LRBA: variants seen among roughly 807,000 people sequenced by gnomAD.
The protein encoded by LRBA is lipopolysaccharide-responsive and beige-like anchor protein.
Under a neutral mutation model 330.0 loss-of-function variants are expected in LRBA, and 176 were observed. The observed-to-expected ratio is 0.53, with a 90% CI of 0.47 to 0.60. LRBA has a LOEUF of 0.60. Among genes scored for constraint, LRBA ranks in the 20% least tolerant of loss-of-function variants. The probability of loss-of-function intolerance (pLI) is 0.00; values close to 1 mark genes in which losing one functional copy is unlikely to be tolerated. For missense variants in LRBA, 3,259 were observed against 3,444.8 expected (o/e 0.95, Z 1.35); for synonymous variants, 1,230 against 1,193.0 (o/e 1.03, Z -0.64).
At chr4:150,329,586 T>C (rs552581120) in intron 48 of LRBA, among the ~76,000 whole-genome samples, 1 of 152,098 alleles carries the variant, frequency 6.6e-6, no homozygotes, top group South Asian at 2.1e-4. Context: ...TTCACTCAAC[T>C]TAAGCTTGCT....
At chr4:150,553,768 T>C (rs10012087) in intron 40 of LRBA, among the ~76,000 whole-genome samples, 68,608 of 151,952 alleles carry the variant, frequency 0.45, 16,056 homozygotes, top group Admixed American at 0.52. Flanking sequence ...TCTCCAAATA[T>C]GTTGAGTTTG....
chr4:150,753,380 G>A (rs556300750), intron 35 of LRBA, among the ~76,000 whole-genome samples: 13 of 152,236 alleles, frequency 8.5e-5, no homozygotes, highest in African/African-American at 2.9e-4. Context: ...AGTGAATGAC[G>A]CTATTTTCAT....
intron 37 of LRBA, among the ~76,000 whole-genome samples, chr4:150,601,519 T>G (rs369002401): frequency 5.3e-5 from 8 of 152,112 alleles, no homozygotes; most frequent in Admixed American, 5.2e-4. Context: ...ATATTTATTT[T>G]TATACCTTGA....
chr4:150,512,717 GAAA>G (rs370203536), intron 40 of LRBA, among the ~76,000 whole-genome samples: 18,677 of 100,400 alleles, frequency 0.19, 1,151 homozygotes, highest in Middle Eastern at 0.24. Flanking sequence ...TGCTTTTTGA[GAAA>G]AAAAAAAAAA....
At chr4:150,906,960 G>C (rs1357630713) in intron 11 of LRBA, among the ~76,000 whole-genome samples, 2 of 151,684 alleles carry the variant, frequency 1.3e-5, no homozygotes, top group Non-Finnish European at 2.9e-5. Context: ...ACTAATTTAA[G>C]AAGTTTGTTC....
chr4:150,603,410 G>A (rs1774313155), intron 37 of LRBA, among the ~76,000 whole-genome samples: 1 of 152,044 alleles, frequency 6.6e-6, no homozygotes, highest in African/African-American at 2.4e-5. Context: ...TTCACGTTAT[G>A]TGTTTGTATA....
chr4:150,335,532 G>GTGTA (rs763428898), intron 48 of LRBA, among the ~76,000 whole-genome samples: 3 of 144,816 alleles, frequency 2.1e-5, no homozygotes, highest in African/African-American at 7.7e-5. Context: ...ATATATGTGT[G>GTGTA]TATATATATA....
chr4:150,356,809 T>C (rs1581101965), intron 47 of LRBA, among the ~76,000 whole-genome samples: 1 of 151,974 alleles, frequency 6.6e-6, no homozygotes, highest in South Asian at 2.1e-4. Flanking sequence ...TAAAACACAA[T>C]GCTTCAGAGT....
chr4:150,319,397 T>TA (rs1732176610), intron 50 of LRBA, among the ~76,000 whole-genome samples: 1 of 152,118 alleles, frequency 6.6e-6, no homozygotes, highest in East Asian at 1.9e-4. Flanking sequence ...GCTCTAAGGG[T>TA]AACCGCACAT....
At chr4:150,889,290 CAA>C (rs34389393) in intron 17 of LRBA, among the ~76,000 whole-genome samples, 221 of 147,440 alleles carry the variant, frequency 1.5e-3, no homozygotes, top group Middle Eastern at 3.6e-3. Context: ...TGATTTTCCA[CAA>C]AAAAAAAAAA....
chr4:150,332,947 GT>G (rs1450821529), intron 48 of LRBA, among the ~76,000 whole-genome samples: 1 of 152,064 alleles, frequency 6.6e-6, no homozygotes, highest in East Asian at 1.9e-4. Flanking sequence ...GTATTCTATA[GT>G]TTTTGTGTGT....
chr4:150,915,966 T>C (rs1466641854), intron 7 of LRBA, among the ~76,000 whole-genome samples: 1 of 152,144 alleles, frequency 6.6e-6, no homozygotes, highest in Non-Finnish European at 1.5e-5. Flanking sequence ...TTTTCAAACA[T>C]ACCCCAAAAA....
intron 48 of LRBA, among the ~76,000 whole-genome samples, chr4:150,327,952 A>G (rs1487607351): frequency 6.6e-6 from 1 of 152,168 alleles, no homozygotes; most frequent in Non-Finnish European, 1.5e-5. Flanking sequence ...GCCTAGAGAC[A>G]GAGAGATTTC....
At chr4:150,487,247 T>C (rs1757989209) in intron 42 of LRBA, among the ~76,000 whole-genome samples, 2 of 151,008 alleles carry the variant, frequency 1.3e-5, no homozygotes, top group Non-Finnish European at 3.0e-5. Context: ...TACACACATA[T>C]ACCATTATGA....
At chr4:150,537,924 C>A (rs573358333) in intron 40 of LRBA, among the ~76,000 whole-genome samples, 1 of 152,130 alleles carries the variant, frequency 6.6e-6, no homozygotes, top group Non-Finnish European at 1.5e-5. Flanking sequence ...CACTGCACTG[C>A]AGCCTGGGTG....
Position 150,850,500 on chromosome 4 carries a change from T to G in LRBA, c.4004+224A>C, listed in dbSNP as rs563527164. On this transcript the variant is annotated intron_variant, in intron 24 of 56. Transcript: ENST00000651943. ...GCTACAGGAAATCTACTACAAATTT[T>G]TTTAAAAGAGAAACCTCTGCTTTTC... Among the ~76,000 whole-genome samples, 106 of 152,298 alleles carry G rather than the reference T, an allele frequency of 7.0e-4. 1 individual carries two copies. Among genetic ancestry groups the G allele is most frequent in the Admixed American group, 2.9e-3 (45 of 15,290 alleles).
intron 11 of LRBA, among the ~76,000 whole-genome samples, chr4:150,907,307 G>T (rs1410177750): frequency 1.3e-5 from 1 of 75,666 alleles, no homozygotes; most frequent in Non-Finnish European, 2.7e-5. Flanking sequence ...AGAAGTGGGG[G>T]AGAGGGGGAA....
chr4:150,567,779 C>T (rs955295667), intron 40 of LRBA, among the ~76,000 whole-genome samples: 2 of 152,078 alleles, frequency 1.3e-5, no homozygotes, highest in African/African-American at 2.4e-5. Flanking sequence ...TGATAGAAAT[C>T]TGTTGGAAAA....
chr4:150,415,069 T>C lies in LRBA; in HGVS notation c.7194+369A>G, dbSNP rs139743212. On this transcript the variant is annotated intron_variant, in intron 47 of 56. Transcript: ENST00000651943. ...ACATAATTTGAAAATCTTGTTTCTA[T>C]TATGAAAATGTGCAATGGCCTTCTA... is the stretch of plus-strand genomic sequence containing the variant. Among the ~76,000 whole-genome samples the C allele has an allele frequency of 8.4e-3, 1,273 of 152,292 alleles. 10 individuals carry two copies. The highest frequency in any genetic ancestry group is 0.029 in the African/African-American group (1,195 of 41,560).
Sources: allele counts gnomAD v4.1 joint callset (sites outside exome capture counted in the v4.1 genomes callset), GRCh38; gene constraint gnomAD v4.1.1; transcripts MANE v1.5; gene names NCBI Gene and HGNC (gene_info 2026-07-23, HGNC 2026-07-21).